Variants in CIT observed in about 807,000 individuals in gnomAD.
CIT encodes citron Rho-interacting kinase.
Under a neutral mutation model 272.7 loss-of-function variants are expected in CIT, and 79 were observed. The observed-to-expected ratio is 0.29, with a 90% CI of 0.24 to 0.35. The LOEUF is 0.35. Among genes scored for constraint, CIT ranks in the 10% least tolerant of loss-of-function variants. The probability of loss-of-function intolerance (pLI) is 1.00; values close to 1 mark genes in which losing one functional copy is unlikely to be tolerated. For synonymous variants in CIT, 948 were observed against 995.6 expected (o/e 0.95, Z 0.90); for missense variants, 1,909 against 2,618.3 (o/e 0.73, Z 5.91).
chr12:119,819,822 G>C (rs1967529718), intron 9 of CIT, among the ~76,000 whole-genome samples: 1 of 152,212 alleles, frequency 6.6e-6, no homozygotes, highest in Non-Finnish European at 1.5e-5. Context: ...TTAGAAAATA[G>C]CTTAAAGAGC....
rs3999591 is a variant in CIT, at chr12:119,726,011, C to CGTGTGTGTGT, written c.3591+2481_3591+2490dup. Reference sequence around the variant, plus strand: ...TTCCTATGTGTGTTCACCAAATATACGTGTGTGTGTGTGTGTGTGTGTGTT... The same window carrying CGTGTGTGTGT: ...TTCCTATGTGTGTTCACCAAATATACGTGTGTGTGTGTGTGTGTGTGTGTGTGTGTGTGTT... On this transcript the variant is annotated intron_variant, in intron 28 of 47. Coordinates refer to ENST00000392521, the MANE Select transcript of CIT (RefSeq NM_001206999.2). Among the ~76,000 whole-genome samples the CGTGTGTGTGT allele has an allele frequency of 4.4e-3, 663 of 150,004 alleles. 2 individuals are homozygous for CGTGTGTGTGT. Among genetic ancestry groups the CGTGTGTGTGT allele is most frequent in the African/African-American group, 0.012 (497 of 40,624 alleles).
intron 2 of CIT, 102 bp from the exon 3 acceptor site, chr12:119,869,303 G>A: frequency 9.0e-7 from 1 of 1,112,832 alleles, no homozygotes; most frequent in Admixed American, 2.5e-5. Flanking sequence ...TCAACTAACT[G>A]CTCACGACAT....
Position 119,690,564 on chromosome 12 carries a change from A to G in CIT, c.5883-110T>C. The G allele has an allele frequency of 1.9e-6, 2 of 1,038,734 alleles. No individual in the cohort carries two copies. The highest frequency in any genetic ancestry group is 2.7e-6 in the Non-Finnish European group (2 of 742,760). 64.3% of individuals were successfully genotyped at this position (1,038,734 alleles called of 1,614,324 possible). On this transcript the variant is annotated intron_variant, in intron 46 of 47. Coordinates refer to ENST00000392521, the MANE Select transcript of CIT (RefSeq NM_001206999.2). This position sits in a 1 kb window ranked among gnomAD's most constrained non-coding sequence, Gnocchi z 6.0. ...TGACCCAGCCTCACCACTGATTATC[A>G]AGAGATTAGACCTGGAGTTCTTTGG...
intron 9 of CIT, among the ~76,000 whole-genome samples, chr12:119,805,377 A>G (rs964653089): frequency 1.3e-5 from 2 of 152,240 alleles, no homozygotes; most frequent in East Asian, 3.8e-4. Flanking sequence ...AAAATAATCC[A>G]TATAAAAGTG....
intron 8 of CIT, among the ~76,000 whole-genome samples, chr12:119,824,418 A>T (rs1466920603): frequency 6.6e-6 from 1 of 152,206 alleles, no homozygotes; most frequent in African/African-American, 2.4e-5. Flanking sequence ...TAAGACTCAC[A>T]GTTATTCACA....
At chr12:119,838,176 G>T (rs1010146598) in intron 5 of CIT, among the ~76,000 whole-genome samples, 1 of 152,012 alleles carries the variant, frequency 6.6e-6, no homozygotes, top group East Asian at 1.9e-4. Flanking sequence ...GGGTTCAAGC[G>T]ATTCTCCTGC....
At chr12:119,788,191 T>C (rs915244118) in intron 10 of CIT, among the ~76,000 whole-genome samples, 2 of 152,226 alleles carry the variant, frequency 1.3e-5, no homozygotes, top group African/African-American at 4.8e-5. Flanking sequence ...TTTAACCAAG[T>C]TCTACGCTTC....
At chr12:119,867,298 C>A (rs1950544143) in intron 3 of CIT, among the ~76,000 whole-genome samples, 1 of 152,084 alleles carries the variant, frequency 6.6e-6, no homozygotes, top group African/African-American at 2.4e-5. Context: ...AAGCGATTCT[C>A]CTGCCTCTGC....
At chr12:119,698,591 A>T (rs1325726703) in intron 44 of CIT, among the ~76,000 whole-genome samples, 3 of 13,960 alleles carry the variant, frequency 2.1e-4, no homozygotes, top group Non-Finnish European at 1.1e-3. Flanking sequence ...CTCTGTCTCA[A>T]AAAAAAAAAA....
chr12:119,869,306 CACG>C, intron 2 of CIT, 105 bp from the exon 3 acceptor site: 2 of 1,087,172 alleles, frequency 1.8e-6, no homozygotes, highest in Non-Finnish European at 2.6e-6. Context: ...ACTAACTGCT[CACG>C]ACATGCTAAC....
chr12:119,856,431 A>C (rs1950171857), intron 4 of CIT, among the ~76,000 whole-genome samples: 1 of 152,034 alleles, frequency 6.6e-6, no homozygotes. Flanking sequence ...TATGTTATAT[A>C]TATTTTACCA....
chr12:119,770,962 A>C lies in CIT; in HGVS notation c.2083-52T>G. ...TTTTAATGGAGTAACCGCTATGGGC[A>C]TAACACCTGCACCGAGGGAAAGAGC... On this transcript the variant is annotated intron_variant, in intron 17 of 47. Coordinates refer to ENST00000392521, the MANE Select transcript of CIT (RefSeq NM_001206999.2). The surrounding 1 kb of genome is among the most constrained non-coding windows in gnomAD (Gnocchi z 4.4). The C allele has an allele frequency of 1.2e-6, 2 of 1,604,336 alleles. No homozygotes were observed. Among genetic ancestry groups the C allele is most frequent in the Non-Finnish European group, 1.7e-6 (2 of 1,175,312 alleles).
chr12:119,749,522 G>C (rs1057118274), intron 23 of CIT, among the ~76,000 whole-genome samples: 1 of 152,144 alleles, frequency 6.6e-6, no homozygotes, highest in Non-Finnish European at 1.5e-5. Flanking sequence ...ATCAAGAGAA[G>C]GGGGAAGGAA....
intron 5 of CIT, among the ~76,000 whole-genome samples, chr12:119,836,377 A>G (rs1406987813): frequency 2.0e-5 from 3 of 150,954 alleles, no homozygotes; most frequent in Non-Finnish European, 4.4e-5. Flanking sequence ...CTTTCCCCCA[A>G]GTTCCTAGCA....
intron 22 of CIT, among the ~76,000 whole-genome samples, chr12:119,754,405 T>G (rs278135): frequency 0.85 from 128,725 of 152,194 alleles, 54,868 homozygotes; most frequent in African/African-American, 0.93. Flanking sequence ...TAAAACACCA[T>G]CAGTCACAGC....
chr12:119,696,107 C>G (rs1956209996), intron 46 of CIT, among the ~76,000 whole-genome samples: 1 of 152,080 alleles, frequency 6.6e-6, no homozygotes, highest in Non-Finnish European at 1.5e-5. Context: ...TGGTTCCTTC[C>G]CAGGTGGGGA....
At chr12:119,852,854 TTC>T (rs750675410) in intron 4 of CIT, among the ~76,000 whole-genome samples, 2 of 152,260 alleles carry the variant, frequency 1.3e-5, no homozygotes, top group East Asian at 1.9e-4. Flanking sequence ...TGTATATACA[TTC>T]TGTGTGTGTG....
chr12:119,847,235 C>G (rs1226210621), intron 5 of CIT, among the ~76,000 whole-genome samples: 1 of 152,178 alleles, frequency 6.6e-6, no homozygotes, highest in Non-Finnish European at 1.5e-5. Flanking sequence ...CTGCCCACCT[C>G]GGCCTCCCAA....
intron 9 of CIT, among the ~76,000 whole-genome samples, chr12:119,807,609 A>G (rs1469645793): frequency 6.6e-6 from 1 of 152,206 alleles, no homozygotes; most frequent in Non-Finnish European, 1.5e-5. Context: ...ATATTTGCTA[A>G]GCAAATATAT....
Sources: allele counts gnomAD v4.1 joint callset (sites outside exome capture counted in the v4.1 genomes callset), GRCh38; gene constraint gnomAD v4.1.1; non-coding constraint Gnocchi (gnomAD v3.1); transcripts MANE v1.5; gene names NCBI Gene and HGNC (gene_info 2026-07-23, HGNC 2026-07-21).